NAV2: variants seen among roughly 807,000 people sequenced by gnomAD.
NAV2 encodes helicase, APC down-regulated 1.
In NAV2, 54 loss-of-function variants were observed where a neutral mutation model predicts 223.2. The observed-to-expected ratio is 0.24, with a 90% CI of 0.19 to 0.30. NAV2 has a LOEUF of 0.30. Ranked by LOEUF, NAV2 falls within the 10% of genes least tolerant of loss-of-function variation. NAV2 has a pLI of 1.00. For missense variants in NAV2, 2,806 were observed against 3,147.5 expected (o/e 0.89, Z 2.60); for synonymous variants, 1,279 against 1,239.3 (o/e 1.03, Z -0.67).
chr11:19,594,683 A>C (rs543438832), intron 1 of NAV2, among the ~76,000 whole-genome samples: 59 of 152,224 alleles, frequency 3.9e-4, no homozygotes, highest in Middle Eastern at 3.4e-3. Context: ...GATTAAATAG[A>C]GAGGAGAGGT....
intron 19 of NAV2, chr11:20,056,608 A>C (rs1228557970): frequency 6.2e-7 from 1 of 1,613,596 alleles, no homozygotes; most frequent in Admixed American, 1.7e-5. Flanking sequence ...CCTTTGTTCC[A>C]TCACGCAAGG....
chr11:19,467,110 G>A (rs1279033533), intron 1 of NAV2, among the ~76,000 whole-genome samples: 4 of 151,812 alleles, frequency 2.6e-5, no homozygotes, highest in African/African-American at 9.7e-5. Flanking sequence ...ACATGTACAT[G>A]TATAATTCTC....
chr11:19,572,906 G>A (rs2134920391), intron 1 of NAV2, among the ~76,000 whole-genome samples: 1 of 152,276 alleles, frequency 6.6e-6, no homozygotes, highest in South Asian at 2.1e-4. Flanking sequence ...ATATGCTGAA[G>A]TTTGCCAAGG....
chr11:19,703,285 T>C lies in NAV2; in HGVS notation c.76-129199T>C, dbSNP rs367695556. ...ATCCTCCTCTCAGAGTCCTAAACCC[T>C]GGGCACTGGGCCTCTTCCTGGAGGT... On this transcript the variant is annotated intron_variant, in intron 1 of 37. Coordinates refer to the NAV2 transcript ENST00000360655. Among the ~76,000 whole-genome samples the C allele has an allele frequency of 2.0e-5, 3 of 152,326 alleles. No individual in the cohort carries two copies. In the East Asian group the frequency reaches 5.8e-4, roughly 29 times the overall value.
chr11:19,349,929 C>T (rs1437937486), upstream of NAV2, among the ~76,000 whole-genome samples: 1 of 152,130 alleles, frequency 6.6e-6, no homozygotes, highest in Non-Finnish European at 1.5e-5. Context: ...GGCCCTGAGA[C>T]AATCTCGGCT....
intron 1 of NAV2, among the ~76,000 whole-genome samples, chr11:19,700,882 G>C (rs1188149218): frequency 1.3e-5 from 2 of 152,194 alleles, no homozygotes; most frequent in Non-Finnish European, 2.9e-5. Context: ...CCAGTGACTG[G>C]CATGTTGCCC....
intron 19 of NAV2, 56 bp downstream of exon 19, chr11:20,056,013 A>C: frequency 6.6e-7 from 1 of 1,517,528 alleles, no homozygotes; most frequent in Non-Finnish European, 8.9e-7. Context: ...CAGGTTACTC[A>C]GTGTAGTTAA....
At chr11:19,987,102 G>A (rs1045397623) in intron 11 of NAV2, among the ~76,000 whole-genome samples, 1 of 152,162 alleles carries the variant, frequency 6.6e-6, no homozygotes, top group African/African-American at 2.4e-5. Context: ...TGCTGCTTAA[G>A]GTAAGGATAG....
chr11:19,956,528 G>A (rs1190185449), intron 10 of NAV2, among the ~76,000 whole-genome samples: 3 of 152,104 alleles, frequency 2.0e-5, no homozygotes, highest in Non-Finnish European at 4.4e-5. Context: ...AAATTTGCTA[G>A]AATGGCTCAG....
At chr11:19,512,065 G>T (rs1485971909) in intron 1 of NAV2, among the ~76,000 whole-genome samples, 1 of 152,164 alleles carries the variant, frequency 6.6e-6, no homozygotes, top group South Asian at 2.1e-4. Context: ...CTTTGACATT[G>T]CTTTGCATGG....
At chr11:20,002,927 T>C (rs2094397116) in intron 11 of NAV2, among the ~76,000 whole-genome samples, 2 of 152,206 alleles carry the variant, frequency 1.3e-5, no homozygotes, top group African/African-American at 4.8e-5. Context: ...GTATTAGAAC[T>C]GGCCACCTCC....
chr11:20,011,109 A>G (rs2053529948), intron 11 of NAV2, among the ~76,000 whole-genome samples: 1 of 152,218 alleles, frequency 6.6e-6, no homozygotes, highest in African/African-American at 2.4e-5. Context: ...TCAAACTAGC[A>G]AAGACGAGGA....
intron 1 of NAV2, among the ~76,000 whole-genome samples, chr11:19,466,244 T>C (rs1272563464): frequency 6.6e-6 from 1 of 152,220 alleles, no homozygotes; most frequent in East Asian, 1.9e-4. Context: ...TTTGTCTGTA[T>C]TGGTGGGATT....
chr11:19,971,178 G>T (rs979084384), intron 10 of NAV2, among the ~76,000 whole-genome samples: 1 of 152,120 alleles, frequency 6.6e-6, no homozygotes, highest in Admixed American at 6.5e-5. Context: ...CCACAGGCAC[G>T]TTTTTGAGTA....
rs564828149 is a variant in NAV2, at chr11:19,999,044, C to T, written c.2768+14797C>T. Among the ~76,000 whole-genome samples the T allele has an allele frequency of 1.6e-4, 25 of 152,358 alleles. 1 individual carries two copies. The South Asian group carries it at 4.8e-3, about 29-fold the overall frequency. On this transcript the variant is annotated intron_variant, in intron 11 of 37. Transcript: ENST00000349880. The stretch of plus-strand genomic sequence containing the variant: ...CATGAAGGAATAAATGACTGCCAGG[C>T]ACTGTGATGCAGGGCTGATGTGCAA...
In NAV2 at chr11:20,118,601, G is replaced by C; in HGVS notation, c.*343G>C. The C allele has an allele frequency of 5.5e-6, 1 of 180,948 alleles. No individual in the cohort carries two copies. Among genetic ancestry groups the C allele is most frequent in the East Asian group, 1.6e-4 (1 of 6,092 alleles). The allele number at this position is 180,948 out of a possible 1,614,324, so 11.2% of individuals were successfully genotyped here. A position where few individuals can be genotyped will look rare whatever the true frequency, so the allele number is the denominator to read the frequency against. ...AGAGACAGAGAGAAAAAAAAAAAGA[G>C]AACCCACATGAAGCTCTGAAACCAA... On this transcript the variant is annotated 3_prime_UTR_variant, in exon 38 of 38. Coordinates refer to ENST00000349880, the MANE Select transcript of NAV2 (RefSeq NM_145117.5).
intron 1 of NAV2, among the ~76,000 whole-genome samples, chr11:19,823,422 G>T (rs977132306): frequency 1.3e-5 from 2 of 152,192 alleles, no homozygotes; most frequent in African/African-American, 4.8e-5. Flanking sequence ...TGGCCAGGCT[G>T]TTCTCAACCT....
intron 1 of NAV2, among the ~76,000 whole-genome samples, chr11:19,815,183 A>G (rs929190369): frequency 1.3e-5 from 2 of 152,194 alleles, no homozygotes; most frequent in Non-Finnish European, 2.9e-5. Context: ...GTCATTTTCC[A>G]TGTGAGCCAC....
upstream of NAV2, among the ~76,000 whole-genome samples, chr11:19,346,924 G>A (rs563865263): frequency 2.0e-4 from 31 of 152,278 alleles, no homozygotes; most frequent in African/African-American, 7.0e-4. Context: ...ATGCGATTTT[G>A]GTGATAAGTG....
Sources: allele counts gnomAD v4.1 joint callset (sites outside exome capture counted in the v4.1 genomes callset), GRCh38; gene constraint gnomAD v4.1.1; transcripts MANE v1.5; gene names NCBI Gene and HGNC (gene_info 2026-07-23, HGNC 2026-07-21).